The following DLGAP4 variants were observed in gnomAD, a reference collection of about 807,000 sequenced individuals.
The protein encoded by DLGAP4 is DLG associated protein 4.
A neutral mutation model predicts 86.9 loss-of-function variants in DLGAP4; 18 were observed. The observed-to-expected ratio is 0.21, with a 90% CI of 0.14 to 0.31. The LOEUF (loss-of-function observed/expected upper bound fraction) is 0.31, where lower values mean the gene tolerates loss of function less well. DLGAP4 is among the 10% of genes least tolerant of loss of function. DLGAP4 has a pLI of 1.00. For missense variants in DLGAP4, 1,085 were observed against 1,362.6 expected (o/e 0.80, Z 3.21); for synonymous variants, 548 against 574.3 (o/e 0.95, Z 0.65).
chr20:36,466,146 C>T (rs2034341998), intron 7 of DLGAP4, among the ~76,000 whole-genome samples: 1 of 152,234 alleles, frequency 6.6e-6, no homozygotes, highest in African/African-American at 2.4e-5. Flanking sequence ...TAAACCAGCT[C>T]TCTAGAGGAT....
chr20:36,359,862 C>A (rs775844060), intron 1 of DLGAP4, among the ~76,000 whole-genome samples: 1 of 152,122 alleles, frequency 6.6e-6, no homozygotes, highest in Non-Finnish European at 1.5e-5. Context: ...TCATCGGGCA[C>A]TGGGGGCTGA....
chr20:36,404,977 G>T (rs748078446), intron 2 of DLGAP4, among the ~76,000 whole-genome samples: 2 of 152,204 alleles, frequency 1.3e-5, no homozygotes, highest in South Asian at 2.1e-4. Flanking sequence ...TGGAGGAGGC[G>T]GTGTGCGCTG....
chr20:36,412,326 G>A (rs2032522629), intron 2 of DLGAP4, among the ~76,000 whole-genome samples: 1 of 152,222 alleles, frequency 6.6e-6, no homozygotes, highest in African/African-American at 2.4e-5. Flanking sequence ...CCTTTGCACA[G>A]TCCTCCCCTA....
chr20:36,468,653 A>C (rs2034525575), intron 7 of DLGAP4, among the ~76,000 whole-genome samples: 1 of 152,196 alleles, frequency 6.6e-6, no homozygotes, highest in South Asian at 2.1e-4. Context: ...TCCAGCAAAC[A>C]CCCAGCATCT....
At chr20:36,326,359 T>C (rs781931361) in intron 1 of DLGAP4, among the ~76,000 whole-genome samples, 4 of 152,256 alleles carry the variant, frequency 2.6e-5, no homozygotes, top group Admixed American at 2.6e-4. Context: ...CTGTATCTCT[T>C]GTTAATTATA....
intron 7 of DLGAP4, among the ~76,000 whole-genome samples, chr20:36,489,855 C>CTTTTT (rs764797081): frequency 3.1e-4 from 34 of 107,986 alleles, no homozygotes; most frequent in African/African-American, 4.5e-4. Flanking sequence ...GCTAATTCTT[C>CTTTTT]TTTTTTTTTT....
chr20:36,526,233 C>T, intron 12 of DLGAP4: 2 of 642,888 alleles, frequency 3.1e-6, no homozygotes, highest in Non-Finnish European at 2.7e-6. Context: ...CCTGCATGTC[C>T]AGAAAAGGGG....
intron 1 of DLGAP4, among the ~76,000 whole-genome samples, chr20:36,329,116 G>A (rs1375558081): frequency 6.6e-6 from 1 of 152,090 alleles, no homozygotes; most frequent in Admixed American, 6.5e-5. Context: ...CACCATGTTG[G>A]GCAGGCCGGT....
intron 2 of DLGAP4, among the ~76,000 whole-genome samples, chr20:36,380,339 G>A (rs889915893): frequency 3.3e-5 from 5 of 151,604 alleles, no homozygotes; most frequent in Non-Finnish European, 7.4e-5. Flanking sequence ...GAGCCCAGGA[G>A]GTCTAGGCTG....
chr20:36,431,549 A>T lies in DLGAP4; in HGVS notation c.-72-97A>T. 1 of 721,512 alleles carries T rather than the reference A, an allele frequency of 1.4e-6. No individual in the cohort carries two copies. The highest frequency in any genetic ancestry group is 2.2e-6 in the Non-Finnish European group (1 of 452,710). 44.7% of individuals were successfully genotyped at this position (721,512 alleles called of 1,614,324 possible). Reference sequence around the variant, plus strand: ...CCACAACATTGAGGACTGGCTTCAGAGATCCTCCCAGCCTTGCGATCTGGA... The same window carrying T: ...CCACAACATTGAGGACTGGCTTCAGTGATCCTCCCAGCCTTGCGATCTGGA... On this transcript the variant is annotated intron_variant, in intron 2 of 12. Coordinates refer to ENST00000339266, the MANE Select transcript of DLGAP4 (RefSeq NM_001365621.2). The surrounding 1 kb of genome is among the most constrained non-coding windows in gnomAD (Gnocchi z 5.1).
In DLGAP4 at chr20:36,402,882, C is replaced by A. The variant is rs6031775; in HGVS notation, c.-72-28764C>A. 2.8e-3 allele frequency among the ~76,000 whole-genome samples: 428 copies of A among 152,258 alleles called. 3 individuals carry two copies. The highest frequency in any genetic ancestry group is 9.9e-3 in the African/African-American group (412 of 41,542). On this transcript the variant is annotated intron_variant, in intron 2 of 12. Coordinates refer to ENST00000339266, the MANE Select transcript of DLGAP4 (RefSeq NM_001365621.2). ...TCACACAGATGGTGGAGGAATTGGG[C>A]TTTTAGCCTGGGTGTGTTGGATTCT...
intron 1 of DLGAP4, among the ~76,000 whole-genome samples, chr20:36,339,640 G>A (rs1272512835): frequency 1.3e-5 from 2 of 152,222 alleles, no homozygotes; most frequent in African/African-American, 2.4e-5. Flanking sequence ...GAGCCATGGC[G>A]CCCAACCCAG....
chr20:36,500,161 T>G lies in DLGAP4; in HGVS notation c.2100-38T>G. The stretch of plus-strand genomic sequence containing the variant: ...GTCTCTGGCCCTCTTGGTGACTCAC[T>G]CCTTCCTGTCCCCACCCCATCCACC... On this transcript the variant is annotated intron_variant, in intron 9 of 12. Coordinates refer to ENST00000339266, the MANE Select transcript of DLGAP4 (RefSeq NM_001365621.2). The surrounding 1 kb of genome is among the most constrained non-coding windows in gnomAD (Gnocchi z 4.6). 1 of 1,501,244 alleles carries G rather than the reference T, an allele frequency of 6.7e-7. No individual in the cohort carries two copies. Among genetic ancestry groups the G allele is most frequent in the Non-Finnish European group, 8.9e-7 (1 of 1,123,922 alleles). The allele number at this position is 1,501,244 out of a possible 1,614,324, so 93.0% of individuals were successfully genotyped here.
intron 11 of DLGAP4, chr20:36,525,554 T>G (rs2037699817): frequency 4.3e-6 from 2 of 470,494 alleles, no homozygotes; most frequent in Admixed American, 3.3e-5. Flanking sequence ...GGCCAAGAAC[T>G]TCTGTTTCTT....
intron 2 of DLGAP4, among the ~76,000 whole-genome samples, chr20:36,412,760 C>T (rs1426324720): frequency 6.6e-6 from 1 of 152,138 alleles, no homozygotes; most frequent in African/African-American, 2.4e-5. Flanking sequence ...ACCGCAGCAC[C>T]TCTTTATTGA....
intron 2 of DLGAP4, among the ~76,000 whole-genome samples, chr20:36,379,723 C>T (rs1480650467): frequency 6.6e-6 from 1 of 152,190 alleles, no homozygotes; most frequent in African/African-American, 2.4e-5. Flanking sequence ...GCCCAGTGGC[C>T]AATTCCAGAT....
intron 2 of DLGAP4, among the ~76,000 whole-genome samples, chr20:36,388,537 CTGATGTGCGTCAA>C (rs1719445319): frequency 6.6e-6 from 1 of 152,178 alleles, no homozygotes; most frequent in Admixed American, 6.5e-5. Context: ...CCGGTTCCCT[CTGATGTGCGTCAA>C]AGACTTGGCT....
chr20:36,334,395 GAGA>G (rs1296653530), intron 1 of DLGAP4, among the ~76,000 whole-genome samples: 2 of 152,170 alleles, frequency 1.3e-5, no homozygotes, highest in Admixed American at 6.5e-5. Flanking sequence ...GGGAACAGAT[GAGA>G]AGGAGTGTGA....
intron 10 of DLGAP4, among the ~76,000 whole-genome samples, chr20:36,511,455 T>C (rs1449107300): frequency 6.6e-6 from 1 of 151,878 alleles, no homozygotes; most frequent in Non-Finnish European, 1.5e-5. Flanking sequence ...CCTCCTGCTT[T>C]AGCCTCCCAA....
Sources: allele counts gnomAD v4.1 joint callset (sites outside exome capture counted in the v4.1 genomes callset), GRCh38; gene constraint gnomAD v4.1.1; non-coding constraint Gnocchi (gnomAD v3.1); transcripts MANE v1.5; gene names NCBI Gene and HGNC (gene_info 2026-07-23, HGNC 2026-07-21).